CUX2: variants seen among roughly 807,000 people sequenced by gnomAD.
CUX2 encodes the protein homeobox protein cut-like 2.
A neutral mutation model predicts 144.8 loss-of-function variants in CUX2; 40 were observed. That is an observed-to-expected ratio of 0.28 (90% CI 0.21 to 0.36). The LOEUF (loss-of-function observed/expected upper bound fraction) is 0.36, where lower values mean the gene tolerates loss of function less well. Among genes scored for constraint, CUX2 ranks in the 10% least tolerant of loss-of-function variants. The probability of loss-of-function intolerance (pLI) is 1.00; values close to 1 mark genes in which losing one functional copy is unlikely to be tolerated. For missense variants in CUX2, 1,615 were observed against 1,994.0 expected, an observed-to-expected ratio of 0.81 and a Z score of 3.62; for synonymous variants, 827 against 875.6, an observed-to-expected ratio of 0.94 and a Z score of 0.98.
At chr12:111,201,694 T>G (rs1403974916) in intron 1 of CUX2, among the ~76,000 whole-genome samples, 3 of 152,158 alleles carry the variant, frequency 2.0e-5, no homozygotes, top group Non-Finnish European at 4.4e-5. Flanking sequence ...CCTGGCACCT[T>G]CTCAGCCCTG....
intron 1 of CUX2, among the ~76,000 whole-genome samples, chr12:111,194,148 A>C (rs1880083124): frequency 6.6e-6 from 1 of 152,132 alleles, no homozygotes; most frequent in East Asian, 1.9e-4. Flanking sequence ...TTTGTCTTGA[A>C]TCCAGCTCTG....
chr12:111,322,733 A>G lies in CUX2; in HGVS notation c.2926+153A>G, dbSNP rs527699249. On this transcript the variant is annotated intron_variant, in intron 18 of 21. Coordinates refer to ENST00000261726, the MANE Select transcript of CUX2 (RefSeq NM_015267.4). This position sits in a 1 kb window ranked among gnomAD's most constrained non-coding sequence, Gnocchi z 4.2. ...GTCACTGTCATGGCTGCACTGGAAC[A>G]TGGCGGGGGGTCCTGGGGTTTCTCT... Among the ~76,000 whole-genome samples the G allele has an allele frequency of 5.9e-5, 9 of 152,256 alleles. No individual in the cohort carries two copies. The South Asian group carries it at 1.7e-3, about 28-fold the overall frequency.
chr12:111,135,510 C>A (rs1171116678), intron 1 of CUX2, among the ~76,000 whole-genome samples: 1 of 152,198 alleles, frequency 6.6e-6, no homozygotes, highest in African/African-American at 2.4e-5. Context: ...AAAACAGGTG[C>A]TCCAACCAAA....
chr12:111,302,014 A>G (rs181117227), intron 9 of CUX2, among the ~76,000 whole-genome samples: 30 of 152,368 alleles, frequency 2.0e-4, no homozygotes, highest in Admixed American at 3.9e-4. Flanking sequence ...ACAGAAACAT[A>G]AAAATATTTC....
chr12:111,298,430 C>A, intron 8 of CUX2, 111 bp from the exon 9 acceptor site: 1 of 1,103,878 alleles, frequency 9.1e-7, no homozygotes, highest in Non-Finnish European at 1.3e-6. Context: ...TCTCCTGTAG[C>A]AAGGCCTTCA....
intron 1 of CUX2, among the ~76,000 whole-genome samples, chr12:111,181,782 G>A (rs1315035259): frequency 6.6e-6 from 1 of 152,218 alleles, no homozygotes; most frequent in Non-Finnish European, 1.5e-5. Flanking sequence ...TGCTGAGGCT[G>A]TCACTGTGTC....
chr12:111,278,783 C>T (rs1592911062), intron 4 of CUX2, among the ~76,000 whole-genome samples: 1 of 152,146 alleles, frequency 6.6e-6, no homozygotes, highest in East Asian at 1.9e-4. Context: ...GTAAGAGCAG[C>T]CAGTGACATT....
intron 3 of CUX2, among the ~76,000 whole-genome samples, chr12:111,241,823 CAA>C (rs1883033525): frequency 6.6e-6 from 1 of 152,278 alleles, no homozygotes; most frequent in Admixed American, 6.5e-5. Context: ...TGACACTTTA[CAA>C]AACTCAGCCT....
intron 1 of CUX2, among the ~76,000 whole-genome samples, chr12:111,065,374 C>T (rs1870975983): frequency 6.6e-6 from 1 of 152,214 alleles, no homozygotes; most frequent in Admixed American, 6.5e-5. Flanking sequence ...TGCTCTGTTG[C>T]CCAGGCTGGA....
intron 3 of CUX2, among the ~76,000 whole-genome samples, chr12:111,221,857 G>T (rs1208574921): frequency 2.6e-5 from 4 of 152,022 alleles, no homozygotes; most frequent in Non-Finnish European, 5.9e-5. Context: ...TTGCCCTGCT[G>T]TGAATCAAGG....
intron 2 of CUX2, among the ~76,000 whole-genome samples, chr12:111,214,588 A>G (rs1881428563): frequency 6.6e-6 from 1 of 152,144 alleles, no homozygotes; most frequent in Non-Finnish European, 1.5e-5. Flanking sequence ...TATCCAAGTC[A>G]GATGCCTGGC....
intron 1 of CUX2, among the ~76,000 whole-genome samples, chr12:111,078,912 A>G (rs886847641): frequency 6.6e-6 from 1 of 152,158 alleles, no homozygotes; most frequent in African/African-American, 2.4e-5. Flanking sequence ...TGGCTGAGGA[A>G]AAGGAGTCGT....
chr12:111,053,249 T>C (rs1423196541), intron 1 of CUX2, among the ~76,000 whole-genome samples: 5 of 152,230 alleles, frequency 3.3e-5, no homozygotes, highest in Non-Finnish European at 7.3e-5. Flanking sequence ...TTGTTTCTCG[T>C]GCTTGCTCCC....
intron 19 of CUX2, among the ~76,000 whole-genome samples, chr12:111,337,974 G>A (rs1465338269): frequency 6.6e-6 from 1 of 152,052 alleles, no homozygotes; most frequent in Non-Finnish European, 1.5e-5. Flanking sequence ...GGCAGAGGCT[G>A]CAGGGAGCCA....
At chr12:111,121,362 C>CTTTTTTTTTTTTTTTTTTTTTT (rs1315899389) in intron 1 of CUX2, among the ~76,000 whole-genome samples, 1 of 103,718 alleles carries the variant, frequency 9.6e-6, no homozygotes, top group Non-Finnish European at 1.8e-5. Context: ...GTTTTCTTTT[C>CTTTTTTTTTTTTTTTTTTTTTT]TTTTTTCTTT....
At chr12:111,241,615 T>C (rs1000754148) in intron 3 of CUX2, among the ~76,000 whole-genome samples, 5 of 152,208 alleles carry the variant, frequency 3.3e-5, no homozygotes, top group African/African-American at 1.2e-4. Context: ...ACTCCAACAG[T>C]TGAGAGTTAA....
chr12:111,320,393 T>C lies in CUX2; in HGVS notation c.2384T>C (p.Leu795Pro), dbSNP rs1887460527. 6.9e-6 allele frequency: 11 copies of C among 1,597,802 alleles called. No individual in the cohort carries two copies. The highest frequency in any genetic ancestry group is 9.3e-6 in the Non-Finnish European group (11 of 1,179,106). ...CACCACTGGGCCTCCGACCGCGGCC[T>C]GCTCAGCCGCCCCTACGCCTCCGTG... ...FDHHWASDRG[L>P]LSRPYASVSP... The change falls in exon 17 of 22, where the codon CTG becomes CCG. Residue 795 changes from leucine to proline, a missense_variant. Around this residue, in one of 12 missense-constraint regions of CUX2, gnomAD observed 390 missense variants for 387.1 expected, o/e 1.01. Transcript: ENST00000261726. This position sits in a 1 kb window ranked among gnomAD's most constrained non-coding sequence, Gnocchi z 8.1.
At position 111,342,930 on chromosome 12, in the gene CUX2, G is replaced by A. The variant is rs184908614; in HGVS notation, c.3659+877G>A. Among the ~76,000 whole-genome samples, 972 of 127,100 alleles carry A rather than the reference G, an allele frequency of 7.6e-3. 10 individuals are homozygous for A. The highest frequency in any genetic ancestry group is 0.028 in the African/African-American group (897 of 32,600). 83.4% of individuals were successfully genotyped at this position (127,100 alleles called of 152,430 possible). On this transcript the variant is annotated intron_variant, in intron 21 of 21. Transcript: ENST00000261726. ...GCCGAGATTGTGCCACTGTACTCCA[G>A]CCTGGGCAACAGAGTGAGACTATCT...
chr12:111,210,519 C>T (rs928741273), intron 1 of CUX2, among the ~76,000 whole-genome samples: 3 of 152,142 alleles, frequency 2.0e-5, no homozygotes, highest in African/African-American at 7.2e-5. Context: ...CAAGGCCAGG[C>T]ACAGTGGCTC....
Sources: gnomAD v4.1 joint callset for allele counts (sites outside exome capture counted in the v4.1 genomes callset) on GRCh38, gnomAD v4.1.1 for gene constraint, gnomAD v4.1.1 regional missense constraint, Gnocchi (gnomAD v3.1) non-coding constraint, MANE v1.5 for transcripts, NCBI Gene and HGNC (gene_info 2026-07-23, HGNC 2026-07-21) for gene names.